AK8: variants seen among roughly 807,000 people sequenced by gnomAD.
AK8 encodes the protein ATP-AMP transphosphorylase 8.
In AK8, 44 loss-of-function variants were observed where a neutral mutation model predicts 54.6. The ratio of observed to expected loss-of-function variants is 0.81; its 90% CI spans 0.63 to 1.04. The LOEUF (loss-of-function observed/expected upper bound fraction) is 1.04, where lower values mean the gene tolerates loss of function less well. AK8 is among the 50% of genes least tolerant of loss of function. The probability of loss-of-function intolerance (pLI) is 0.00; values close to 1 mark genes in which losing one functional copy is unlikely to be tolerated. For missense variants in AK8, 555 were observed against 613.6 expected (o/e 0.90, Z 1.01); for synonymous variants, 239 against 245.6 (o/e 0.97, Z 0.25).
At chr9:132,784,612 A>T (rs557289335) in intron 11 of AK8, among the ~76,000 whole-genome samples, 3 of 152,298 alleles carry the variant, frequency 2.0e-5, no homozygotes, top group African/African-American at 7.2e-5. Flanking sequence ...GAGGCTGTGC[A>T]GAAGGGATTT....
intron 11 of AK8, among the ~76,000 whole-genome samples, chr9:132,731,180 A>T (rs1836825865): frequency 6.6e-6 from 1 of 152,226 alleles, no homozygotes; most frequent in Admixed American, 6.5e-5. Context: ...CTAAATGTGG[A>T]AATCCTGAAA....
rs553669062 is a variant in AK8, at chr9:132,734,607, G to A, written c.1122-7073C>T. Among the ~76,000 whole-genome samples, 6 of 152,196 alleles carry A rather than the reference G, an allele frequency of 3.9e-5. No homozygotes were observed. In the East Asian group the frequency reaches 5.8e-4, roughly 15 times the overall value. On this transcript the variant is annotated intron_variant, in intron 11 of 12. Transcript: ENST00000298545. ...TTAAAAATTAGCCCAGTGTGGTGGCGCACCGATAGTTCTGGCTACTTGGGA... is the reference window on the plus strand; with the variant it reads ...TTAAAAATTAGCCCAGTGTGGTGGCACACCGATAGTTCTGGCTACTTGGGA...
Position 132,826,597 on chromosome 9 carries a change from A to T in AK8, c.757+257T>A, listed in dbSNP as rs1314008035. Among the ~76,000 whole-genome samples, 1 of 152,068 alleles carries T rather than the reference A, an allele frequency of 6.6e-6. No individual in the cohort carries two copies. Among genetic ancestry groups the T allele is most frequent in the Non-Finnish European group, 1.5e-5 (1 of 67,990 alleles). On this transcript the variant is annotated intron_variant, in intron 8 of 12. Transcript: ENST00000298545. The surrounding 1 kb of genome is among the most constrained non-coding windows in gnomAD (Gnocchi z 4.5). ...CCTCCTCCCGACCCCACGACCACCA[A>T]ATCTGCTGTGGGCCAGAGATGTGAC... is the stretch of plus-strand genomic sequence containing the variant.
At chr9:132,864,053 C>A (rs994309690) in intron 3 of AK8, among the ~76,000 whole-genome samples, 1 of 152,150 alleles carries the variant, frequency 6.6e-6, no homozygotes, top group African/African-American at 2.4e-5. Flanking sequence ...CTGCCCTTGG[C>A]GTGCTTTCCA....
At position 132,791,639 on chromosome 9, in the gene AK8, T is replaced by C. The variant is rs553264456; in HGVS notation, c.1121+995A>G. Among the ~76,000 whole-genome samples the C allele has an allele frequency of 4.7e-4, 72 of 152,082 alleles. No homozygotes were observed. The highest frequency in any genetic ancestry group is 7.6e-4 in the Non-Finnish European group (52 of 67,984). On this transcript the variant is annotated intron_variant, in intron 11 of 12. Transcript: ENST00000298545. The surrounding 1 kb of genome is among the most constrained non-coding windows in gnomAD (Gnocchi z 4.0). ...AAACAGAGAGGTACTACTGCAGAAA[T>C]AGACACTCAGAAAAGAGAAAGTTCA...
chr9:132,761,653 G>C (rs987992327), intron 11 of AK8, among the ~76,000 whole-genome samples: 6 of 151,936 alleles, frequency 3.9e-5, no homozygotes, highest in African/African-American at 1.5e-4. Flanking sequence ...CCATAAAGTT[G>C]TTTGTAATAT....
chr9:132,821,763 ATATATG>A (rs201249125), intron 9 of AK8, among the ~76,000 whole-genome samples: 6,113 of 120,788 alleles, frequency 0.051, 568 homozygotes, highest in Admixed American at 0.059. Context: ...AAATATATAC[ATATATG>A]TATATGTGTA....
At chr9:132,821,752 CAAATATATACATATAT>C (rs1841632566) in intron 9 of AK8, among the ~76,000 whole-genome samples, 2 of 83,082 alleles carry the variant, frequency 2.4e-5, no homozygotes, top group South Asian at 3.6e-4. Context: ...TATGTATATA[CAAATATATACATATAT>C]GTATATGTGT....
chr9:132,855,043 G>C, intron 4 of AK8, 118 bp from the exon 5 acceptor site: 1 of 1,023,916 alleles, frequency 9.8e-7, no homozygotes, highest in Middle Eastern at 2.5e-4. Context: ...GACCACCATC[G>C]GGCCCCGCCC....
intron 2 of AK8, among the ~76,000 whole-genome samples, chr9:132,872,638 AT>A (rs34579665): frequency 0.36 from 53,192 of 145,782 alleles, 11,216 homozygotes; most frequent in South Asian, 0.55. Flanking sequence ...TTTCAAGCAC[AT>A]TTTTTTTTTT....
intron 4 of AK8, among the ~76,000 whole-genome samples, chr9:132,859,955 C>T (rs566324350): frequency 1.7e-4 from 26 of 152,132 alleles, no homozygotes; most frequent in Admixed American, 1.6e-3. Context: ...GTCCCTTTCA[C>T]GGTGTTCGGC....
At position 132,799,354 on chromosome 9, in the gene AK8, G is replaced by A. The variant is rs548168145; in HGVS notation, c.980-6579C>T. 1.3e-4 allele frequency among the ~76,000 whole-genome samples: 20 copies of A among 152,256 alleles called. No individual in the cohort carries two copies. The highest frequency in any genetic ancestry group is 4.6e-4 in the African/African-American group (19 of 41,524). The stretch of plus-strand genomic sequence containing the variant: ...CCAGTGGCTTAAAGATAAAAAACAT[G>A]CTAAGGTTGATTGCTAGACTCACGA... On this transcript the variant is annotated intron_variant, in intron 10 of 12. Transcript: ENST00000298545. This position sits in a 1 kb window ranked among gnomAD's most constrained non-coding sequence, Gnocchi z 5.0.
chr9:132,763,621 G>A (rs1217924302), intron 11 of AK8, among the ~76,000 whole-genome samples: 1 of 152,218 alleles, frequency 6.6e-6, no homozygotes, highest in Non-Finnish European at 1.5e-5. Context: ...CAAATGCCAA[G>A]CTATAATCAA....
Position 132,725,722 on chromosome 9 carries a change from C to T in AK8, c.1406G>A (p.Gly469Glu), listed in dbSNP as rs200678908. 273 of 1,582,482 alleles carry T rather than the reference C, an allele frequency of 1.7e-4. No homozygotes were observed. Among genetic ancestry groups the T allele is most frequent in the Non-Finnish European group, 2.1e-4 (244 of 1,162,778 alleles). ...PYTVFEYIES[G>E]IINPLPKKIP ...TTTCTTGGGCAGGGGATTAATGATC[C>T]CACTCTCGATGTATTCGAAGACTGT... The change falls in exon 13 of 13, where the codon GGG (glycine) becomes GAG (glutamate). Residue 469 changes from glycine (G) to glutamate (E), a missense_variant. By Grantham distance (98) the Gly-to-Glu change is moderately conservative (BLOSUM62 -2). Transcript: ENST00000298545.
At position 132,725,915 on chromosome 9, in the gene AK8, T is replaced by C. The variant is rs1836544264; in HGVS notation, c.1213A>G (p.Met405Val). Residue 405 changes from methionine (M) to valine (V), a missense_variant, in exon 13 of 13, where the codon ATG becomes GTG. Physicochemically the swap from Met to Val is conservative, Grantham distance 21 (BLOSUM62 1). Transcript: ENST00000298545. The part of the protein sequence containing the change: ...DPVTGERYHL[M>V]YKPPPTMEIQ... The stretch of plus-strand genomic sequence containing the variant: ...TCCATGGTGGGAGGTGGCTTGTACA[T>C]GAGGTGGTACCTGCAAGGGAGGAAG... 3 of 1,611,222 alleles carry C rather than the reference T, an allele frequency of 1.9e-6. No homozygotes were observed.
At chr9:132,769,919 T>A (rs1406522174) in intron 11 of AK8, 2 of 152,204 alleles carry the variant, frequency 1.3e-5, no homozygotes, top group African/African-American at 4.8e-5. Context: ...TAGCCACGAA[T>A]GTTAATCGCA....
intron 5 of AK8, among the ~76,000 whole-genome samples, chr9:132,830,752 T>C (rs1206108919): frequency 1.3e-5 from 2 of 152,250 alleles, no homozygotes; most frequent in Non-Finnish European, 2.9e-5. Flanking sequence ...TCATTTTGTG[T>C]GTGGTGTTGC....
At chr9:132,802,812 C>A (rs915511275) in intron 10 of AK8, among the ~76,000 whole-genome samples, 1 of 152,206 alleles carries the variant, frequency 6.6e-6, no homozygotes, top group Admixed American at 6.5e-5. Context: ...AGAGTCGAGA[C>A]CTCCTTGCCA....
intron 3 of AK8, 23 bp from the exon 4 acceptor site, chr9:132,863,801 G>C (rs1448242412): frequency 6.4e-7 from 1 of 1,551,708 alleles, no homozygotes; most frequent in East Asian, 2.2e-5. Flanking sequence ...AAGAAGAAAA[G>C]GGCATTTTCA....
Sources: gnomAD v4.1 joint callset for allele counts (sites outside exome capture counted in the v4.1 genomes callset) on GRCh38, gnomAD v4.1.1 for gene constraint, Gnocchi (gnomAD v3.1) non-coding constraint, MANE v1.5 for transcripts, NCBI Gene and HGNC (gene_info 2026-07-23, HGNC 2026-07-21) for gene names.